The following BCL2 variants were observed in gnomAD, a reference collection of about 807,000 sequenced individuals.
The protein encoded by BCL2 is apoptosis regulator Bcl-2.
Under a neutral mutation model 14.2 loss-of-function variants are expected in BCL2, and 1 was observed. That is an observed-to-expected ratio of 0.07 (90% CI 0.02 to 0.33). BCL2 has a LOEUF of 0.33. Among genes scored for constraint, BCL2 ranks in the 10% least tolerant of loss-of-function variants. BCL2 has a pLI of 0.99. For missense variants in BCL2, 247 were observed against 305.9 expected, an observed-to-expected ratio of 0.81 and a Z score of 1.44; for synonymous variants, 151 against 137.2, an observed-to-expected ratio of 1.10 and a Z score of -0.70.
intron 2 of BCL2, among the ~76,000 whole-genome samples, chr18:63,188,103 T>C (rs1189431256): frequency 2.6e-5 from 4 of 152,190 alleles, no homozygotes; most frequent in Admixed American, 6.5e-5. Flanking sequence ...ATAACAATGG[T>C]GAGTGGAAAA....
chr18:63,254,252 T>C (rs527413385), intron 2 of BCL2, among the ~76,000 whole-genome samples: 2 of 151,640 alleles, frequency 1.3e-5, no homozygotes, highest in African/African-American at 2.4e-5. Flanking sequence ...TTAGACAGAG[T>C]TCCTTCTTCC....
chr18:63,248,371 A>C (rs1052021800), intron 2 of BCL2, among the ~76,000 whole-genome samples: 1 of 152,258 alleles, frequency 6.6e-6, no homozygotes, highest in African/African-American at 2.4e-5. Flanking sequence ...CATGTCCTTC[A>C]CAGTAAAGCA....
chr18:63,215,120 T>C (rs1910164979), intron 2 of BCL2, among the ~76,000 whole-genome samples: 1 of 152,204 alleles, frequency 6.6e-6, no homozygotes, highest in African/African-American at 2.4e-5. Context: ...GTCATATTAT[T>C]GCCCCATATT....
At chr18:63,198,876 GACAC>G (rs1948191647) in intron 2 of BCL2, among the ~76,000 whole-genome samples, 1 of 142,844 alleles carries the variant, frequency 7.0e-6, no homozygotes, top group Non-Finnish European at 1.5e-5. Context: ...GACACACAGT[GACAC>G]ACAGACACAG....
At chr18:63,251,236 G>A (rs1911304325) in intron 2 of BCL2, among the ~76,000 whole-genome samples, 1 of 151,988 alleles carries the variant, frequency 6.6e-6, no homozygotes, top group African/African-American at 2.4e-5. Flanking sequence ...CTGTATGGTG[G>A]GTCAAGTGTG....
intron 2 of BCL2, among the ~76,000 whole-genome samples, chr18:63,167,467 T>C (rs1275635248): frequency 5.3e-5 from 8 of 152,138 alleles, no homozygotes; most frequent in South Asian, 4.1e-4. Flanking sequence ...AATTCCTTCT[T>C]TGGGCACATT....
At chr18:63,308,491 T>G (rs1913208847) in intron 2 of BCL2, among the ~76,000 whole-genome samples, 1 of 152,192 alleles carries the variant, frequency 6.6e-6, no homozygotes, top group African/African-American at 2.4e-5. Flanking sequence ...TGAGAGCAAC[T>G]AGGCATATGT....
chr18:63,134,540 ATAT>A (rs2144590826), intron 2 of BCL2, among the ~76,000 whole-genome samples: 1 of 152,292 alleles, frequency 6.6e-6, no homozygotes, highest in African/African-American at 2.4e-5. Flanking sequence ...TCAGCTCTCT[ATAT>A]ACTGGGGAAA....
At chr18:63,262,027 G>A (rs985095178) in intron 2 of BCL2, among the ~76,000 whole-genome samples, 4 of 152,096 alleles carry the variant, frequency 2.6e-5, no homozygotes, top group Admixed American at 1.3e-4. Flanking sequence ...TGATCTGCCC[G>A]CCTCGGCCTC....
chr18:63,297,028 C>T (rs1366317844), intron 2 of BCL2, among the ~76,000 whole-genome samples: 1 of 152,048 alleles, frequency 6.6e-6, no homozygotes, highest in Admixed American at 6.5e-5. Context: ...TTGGTTAACA[C>T]GGTGAAACCC....
intron 2 of BCL2, among the ~76,000 whole-genome samples, chr18:63,218,355 T>G (rs1910265264): frequency 6.6e-6 from 1 of 152,006 alleles, no homozygotes; most frequent in African/African-American, 2.4e-5. Context: ...CCTAAAACCC[T>G]CAATGTCTCT....
At chr18:63,211,063 C>CTTTTTTT (rs59302545) in intron 2 of BCL2, among the ~76,000 whole-genome samples, 82 of 59,142 alleles carry the variant, frequency 1.4e-3, no homozygotes, top group Admixed American at 2.2e-3. Context: ...CTTTTCATTT[C>CTTTTTTT]TTTTTTTTTT....
rs1913941855 is a variant in BCL2 at position 63,127,488 on chromosome 18, AC to A, written c.*1136del. 3 of 232,212 alleles carry A rather than the reference AC, an allele frequency of 1.3e-5. No homozygotes were observed. In the Admixed American group the frequency reaches 1.7e-4, roughly 13 times the overall value. The allele number at this position is 232,212 out of a possible 1,614,324, so 14.4% of individuals were successfully genotyped here. A position where few individuals can be genotyped will look rare whatever the true frequency, so the allele number is the denominator to read the frequency against. On this transcript the variant is annotated 3_prime_UTR_variant, in exon 3 of 3. Coordinates refer to ENST00000333681, the MANE Select transcript of BCL2 (RefSeq NM_000633.3). ...GCCCCAGGGTGACAGGCCCAGCCAC[AC>A]CCCTCTACTGCTCTTTCTTGACAGT...
chr18:63,288,545 G>T (rs1912538751), intron 2 of BCL2, among the ~76,000 whole-genome samples: 15 of 152,324 alleles, frequency 9.8e-5, no homozygotes, highest in Middle Eastern at 3.4e-3. Context: ...AGTAGGCACA[G>T]CCTAGTGAAA....
chr18:63,174,073 A>G (rs1248090710), intron 2 of BCL2, among the ~76,000 whole-genome samples: 1 of 152,220 alleles, frequency 6.6e-6, no homozygotes, highest in South Asian at 2.1e-4. Flanking sequence ...TAATTATCAA[A>G]GGATGCACAC....
intron 2 of BCL2, among the ~76,000 whole-genome samples, chr18:63,154,986 C>G (rs187722403): frequency 6.6e-6 from 1 of 152,326 alleles, no homozygotes; most frequent in East Asian, 1.9e-4. Context: ...ATGGCAACAC[C>G]GTGTGGGGTA....
intron 2 of BCL2, among the ~76,000 whole-genome samples, chr18:63,274,274 ACT>A (rs1912085439): frequency 8.2e-6 from 1 of 122,290 alleles, no homozygotes; most frequent in Non-Finnish European, 1.7e-5. Flanking sequence ...TTATAAAGAT[ACT>A]CTTTTTTTTT....
rs538519659 is a variant in BCL2, at chr18:63,128,438, C to T, written c.*187G>A. On this transcript the variant is annotated 3_prime_UTR_variant, in exon 3 of 3. Coordinates refer to ENST00000333681, the MANE Select transcript of BCL2 (RefSeq NM_000633.3). ...CTTTGGCAGTAAATAGCTGATTCGA[C>T]GTTTTGCCTGAAGACTGTTAATTGT... 2.9e-5 allele frequency: 13 copies of T among 442,924 alleles called. No individual in the cohort carries two copies. The highest frequency in any genetic ancestry group is 2.1e-4 in the South Asian group (3 of 14,566). The allele number at this position is 442,924 out of a possible 1,614,324, so 27.4% of individuals were successfully genotyped here.
chr18:63,144,916 C>T (rs1055031557), intron 2 of BCL2, among the ~76,000 whole-genome samples: 7 of 152,300 alleles, frequency 4.6e-5, no homozygotes, highest in South Asian at 2.1e-4. Context: ...CTGGATCCCA[C>T]GGGAACGTGT....
Sources: allele counts gnomAD v4.1 joint callset (sites outside exome capture counted in the v4.1 genomes callset), GRCh38; gene constraint gnomAD v4.1.1; transcripts MANE v1.5; gene names NCBI Gene and HGNC (gene_info 2026-07-23, HGNC 2026-07-21).